MTFR1: variants seen among roughly 807,000 people sequenced by gnomAD.
MTFR1 encodes mitochondrial fission regulator 1.
MTFR1 carries 28 observed loss-of-function variants against 38.8 expected under a neutral mutation model. The observed-to-expected ratio is 0.72, with a 90% CI of 0.53 to 0.99. The LOEUF is 0.99. Among genes scored for constraint, MTFR1 ranks in the 50% least tolerant of loss-of-function variants. The pLI is 0.00. For missense variants in MTFR1, 358 were observed against 395.5 expected (o/e 0.91, Z 0.81); for synonymous variants, 145 against 137.0 (o/e 1.06, Z -0.41).
downstream of MTFR1, among the ~76,000 whole-genome samples, chr8:65,713,043 T>C (rs1417739079): frequency 2.6e-5 from 4 of 152,258 alleles, no homozygotes; most frequent in Non-Finnish European, 4.4e-5. Flanking sequence ...CAAGATGGAA[T>C]GTCTTGGCAA....
chr8:65,736,079 G>A lies in MTFR1; in HGVS notation c.*48+16598G>A, dbSNP rs138341942. On this transcript the variant is annotated intron_variant, in intron 3 of 3. Transcript: ENST00000521247. The stretch of plus-strand genomic sequence containing the variant: ...TATACAAACACACCTACGATAATGC[G>A]CAATTTATAAGTTAGTCACAGTAAG... Among the ~76,000 whole-genome samples the A allele has an allele frequency of 3.8e-3, 577 of 152,064 alleles. 6 individuals carry two copies. Among genetic ancestry groups the A allele is most frequent in the African/African-American group, 0.013 (549 of 41,442 alleles).
intron 3 of MTFR1, chr8:65,739,379 A>G (rs922622541): frequency 2.7e-6 from 3 of 1,106,960 alleles, no homozygotes; most frequent in African/African-American, 3.3e-5. Context: ...GTGTTGTTTT[A>G]AGCCACTAAT....
At chr8:65,719,153 C>T in intron 2 of MTFR1, 1 of 636,738 alleles carries the variant, frequency 1.6e-6, no homozygotes, top group Non-Finnish European at 2.8e-6. Context: ...CAGAGGAAAT[C>T]TTGGAAATAA....
chr8:65,738,578 C>T lies in MTFR1; in HGVS notation c.*48+19097C>T, dbSNP rs531668152. Among the ~76,000 whole-genome samples the T allele has an allele frequency of 1.6e-4, 25 of 152,032 alleles. No homozygotes were observed. In the South Asian group the frequency reaches 3.7e-3, roughly 23 times the overall value. ...CCGAGCAGCTGGGATTACAGGCGTGCGCCACCATGCCTGGGTAATTTTTTT... is the reference window on the plus strand; with the variant it reads ...CCGAGCAGCTGGGATTACAGGCGTGTGCCACCATGCCTGGGTAATTTTTTT... On this transcript the variant is annotated intron_variant, in intron 3 of 3. Coordinates refer to the MTFR1 transcript ENST00000521247.
intron 2 of MTFR1, among the ~76,000 whole-genome samples, chr8:65,680,243 A>G (rs890254753): frequency 3.9e-5 from 6 of 152,236 alleles, no homozygotes; most frequent in East Asian, 3.9e-4. Context: ...AACTCACTGC[A>G]GCCTGGAACT....
chr8:65,683,278 C>T (rs370231899), intron 3 of MTFR1, among the ~76,000 whole-genome samples: 1 of 151,792 alleles, frequency 6.6e-6, no homozygotes, highest in Non-Finnish European at 1.5e-5. Flanking sequence ...ACTACAGGTG[C>T]ACACCACCAC....
intron 3 of MTFR1, among the ~76,000 whole-genome samples, chr8:65,753,057 C>G (rs1158968601): frequency 2.6e-5 from 4 of 152,070 alleles, no homozygotes; most frequent in Non-Finnish European, 5.9e-5. Context: ...TATGGTAAAG[C>G]TATTGTTTAA....
chr8:65,651,223 A>T (rs540353646), intron 1 of MTFR1, among the ~76,000 whole-genome samples: 1 of 151,738 alleles, frequency 6.6e-6, no homozygotes, highest in South Asian at 2.1e-4. Context: ...TAGTTTGCAA[A>T]TTTTTTTTCC....
At chr8:65,711,045 A>G (rs946680558), downstream of MTFR1, among the ~76,000 whole-genome samples, 1 of 152,226 alleles carries the variant, frequency 6.6e-6, no homozygotes, top group Non-Finnish European at 1.5e-5. Context: ...GATCTGAGTC[A>G]GAGAACACTG....
chr8:65,740,669 G>A (rs1452995108), intron 3 of MTFR1, among the ~76,000 whole-genome samples: 1 of 152,128 alleles, frequency 6.6e-6, no homozygotes, highest in Non-Finnish European at 1.5e-5. Context: ...CAAAGTGCTG[G>A]GATTTACAGG....
downstream of MTFR1, among the ~76,000 whole-genome samples, chr8:65,711,651 C>G (rs542386292): frequency 8.5e-5 from 13 of 152,142 alleles, no homozygotes; most frequent in Non-Finnish European, 1.8e-4. Context: ...CCTTGTAAAC[C>G]TTATAAACAA....
chr8:65,715,235 G>GT (rs1806085712), downstream of MTFR1, among the ~76,000 whole-genome samples: 1 of 151,906 alleles, frequency 6.6e-6, no homozygotes, highest in Non-Finnish European at 1.5e-5. Flanking sequence ...AATATAGGTC[G>GT]TATTTAAGTG....
At chr8:65,756,732 C>T (rs751130672) in intron 3 of MTFR1, among the ~76,000 whole-genome samples, 199 of 152,216 alleles carry the variant, frequency 1.3e-3, no homozygotes, top group Middle Eastern at 6.8e-3. Flanking sequence ...ACTAGTAATT[C>T]CAATGTGTGG....
intron 3 of MTFR1, among the ~76,000 whole-genome samples, chr8:65,751,946 C>T (rs1421172997): frequency 6.6e-6 from 1 of 152,150 alleles, no homozygotes; most frequent in Non-Finnish European, 1.5e-5. Context: ...CTTCCCTGTT[C>T]TTTTATAAGG....
chr8:65,756,328 T>C (rs1019163856), intron 3 of MTFR1, among the ~76,000 whole-genome samples: 2 of 152,234 alleles, frequency 1.3e-5, no homozygotes, highest in South Asian at 2.1e-4. Flanking sequence ...GTTTATTTTT[T>C]CAAATATTTT....
chr8:65,647,193 A>G (rs1269071489), intron 1 of MTFR1, among the ~76,000 whole-genome samples: 1 of 152,250 alleles, frequency 6.6e-6, no homozygotes, highest in African/African-American at 2.4e-5. Context: ...TGACCTGATA[A>G]ATATAAAGGA....
At chr8:65,656,582 A>C (rs983584218) in intron 1 of MTFR1, among the ~76,000 whole-genome samples, 1 of 148,464 alleles carries the variant, frequency 6.7e-6, no homozygotes, top group Non-Finnish European at 1.5e-5. Context: ...GCTCACTGCA[A>C]CCCCCGCCTA....
chr8:65,764,569 G>T (rs939223586), intron 3 of MTFR1, among the ~76,000 whole-genome samples: 3 of 152,122 alleles, frequency 2.0e-5, no homozygotes, highest in Admixed American at 6.5e-5. Flanking sequence ...CAAACTATTT[G>T]TACACCTAAA....
chr8:65,743,418 G>A (rs1284708328), intron 3 of MTFR1, among the ~76,000 whole-genome samples: 2 of 152,188 alleles, frequency 1.3e-5, no homozygotes, highest in East Asian at 1.9e-4. Flanking sequence ...CAAAGGAAAA[G>A]TAGAAGAGAG....
Sources: allele counts gnomAD v4.1 joint callset (sites outside exome capture counted in the v4.1 genomes callset), GRCh38; gene constraint gnomAD v4.1.1; transcripts MANE v1.5; gene names NCBI Gene and HGNC (gene_info 2026-07-23, HGNC 2026-07-21).